IRF6: variants seen among roughly 807,000 people sequenced by gnomAD.
The protein encoded by IRF6 is Van der Woude syndrome.
In IRF6, 6 loss-of-function variants were observed where a neutral mutation model predicts 51.4. That is an observed-to-expected ratio of 0.12 (90% CI 0.06 to 0.23). The LOEUF (loss-of-function observed/expected upper bound fraction) is 0.23, where lower values mean the gene tolerates loss of function less well. Ranked by LOEUF, IRF6 falls within the 10% of genes least tolerant of loss-of-function variation. The pLI is 1.00. For synonymous variants in IRF6, 178 were observed against 215.7 expected (o/e 0.83, Z 1.53); for missense variants, 348 against 585.2 (o/e 0.59, Z 4.18).
rs770388841 is a variant in IRF6, at chr1:209,796,516, C to G, written c.211G>C (p.Val71Leu). 5.0e-6 allele frequency: 8 copies of G among 1,613,330 alleles called. No homozygotes were observed. Among genetic ancestry groups the G allele is most frequent in the Non-Finnish European group, 4.2e-6 (5 of 1,180,036 alleles). The change falls in exon 4 of 9, where the codon GTG becomes CTG. Residue 71 changes from valine (V) to leucine (L), a missense_variant. Val to Leu is a conservative substitution (Grantham distance 32). Coordinates refer to ENST00000367021, the MANE Select transcript of IRF6 (RefSeq NM_006147.4). The surrounding 1 kb of genome is among the most constrained non-coding windows in gnomAD (Gnocchi z 4.5). Reference protein sequence around the residue: ...AVETGKYQEGVDDPDPAKWKA... With the variant: ...AVETGKYQEGLDDPDPAKWKA... Reference sequence around the variant, plus strand: ...CATTTAGCTGGGTCAGGGTCATCCACCCCTTCCTGGTACTTCCCTGTCTCT... The same window carrying G: ...CATTTAGCTGGGTCAGGGTCATCCAGCCCTTCCTGGTACTTCCCTGTCTCT...
intron 1 of IRF6, among the ~76,000 whole-genome samples, chr1:209,802,800 G>A (rs1388864332): frequency 6.6e-6 from 1 of 152,204 alleles, no homozygotes; most frequent in Non-Finnish European, 1.5e-5. Context: ...AACTGTGCCA[G>A]GTGGGAAAGA....
Position 209,790,516 on chromosome 1 carries a change from A to C in IRF6, c.1039T>G (p.Cys347Gly), listed in dbSNP as rs2077862824. ...IERQKKVKLF[C>G]LETFLSDLIA... ...TTACCGCTAAGGAATGTTTCCAGAC[A>C]AAATAGCTTGACCTTCTTTTGTCTC... The change falls in exon 7 of 9, where the codon TGT (cysteine) becomes GGT (glycine). Residue 347 changes from cysteine to glycine, a missense_variant. This residue lies in a region of IRF6 where 125 missense variants were observed against 222.0 expected (regional missense o/e 0.56). Coordinates refer to ENST00000367021, the MANE Select transcript of IRF6 (RefSeq NM_006147.4). This position sits in a 1 kb window ranked among gnomAD's most constrained non-coding sequence, Gnocchi z 4.8. The C allele has an allele frequency of 6.2e-7, 1 of 1,614,126 alleles. No individual in the cohort carries two copies. Among genetic ancestry groups the C allele is most frequent in the Non-Finnish European group, 8.5e-7 (1 of 1,180,028 alleles).
chr1:209,791,182 TACTG>T (rs1363380705), intron 6 of IRF6, among the ~76,000 whole-genome samples: 2 of 152,222 alleles, frequency 1.3e-5, no homozygotes, highest in Non-Finnish European at 2.9e-5. Flanking sequence ...CCCCACGCTA[TACTG>T]ACTGAGTCTT....
rs757668069 is a variant in IRF6 at position 209,790,472 on chromosome 1, C to T, written c.1060+23G>A. ...ACTTCCAGAGAGTGATTCCCACGATCAACTTTCTGAGAAATGACTTACCGC... is the reference window on the plus strand; with the variant it reads ...ACTTCCAGAGAGTGATTCCCACGATTAACTTTCTGAGAAATGACTTACCGC... On this transcript the variant is annotated intron_variant, in intron 7 of 8. Transcript: ENST00000367021. The surrounding 1 kb of genome is among the most constrained non-coding windows in gnomAD (Gnocchi z 4.8). 1 of 1,612,042 alleles carries T rather than the reference C, an allele frequency of 6.2e-7. No homozygotes were observed. The highest frequency in any genetic ancestry group is 1.1e-5 in the South Asian group (1 of 90,914).
chr1:209,797,510 A>G (rs1255277872), intron 3 of IRF6, among the ~76,000 whole-genome samples: 3 of 151,736 alleles, frequency 2.0e-5, no homozygotes, highest in Admixed American at 2.0e-4. Context: ...ACCTTACCCT[A>G]TCCCCTCAAA....
chr1:209,800,010 C>T (rs1333399627), intron 3 of IRF6, among the ~76,000 whole-genome samples: 4 of 152,286 alleles, frequency 2.6e-5, no homozygotes, highest in African/African-American at 9.6e-5. Context: ...TTTCCCAACC[C>T]AATTTCAGCA....
chr1:209,795,518 T>C, intron 4 of IRF6, 100 bp from the exon 5 acceptor site: 1 of 1,565,712 alleles, frequency 6.4e-7, no homozygotes, highest in Non-Finnish European at 8.7e-7. Flanking sequence ...GCCCAGAGGC[T>C]CCTCAGGTTC....
chr1:209,789,351 TTGTGTG>T (rs57430923), intron 8 of IRF6, among the ~76,000 whole-genome samples: 6,637 of 147,004 alleles, frequency 0.045, 771 homozygotes, highest in East Asian at 0.4. Flanking sequence ...GCAATTTACA[TTGTGTG>T]TGTGTGTGTG....
At position 209,796,260 on chromosome 1, in the gene IRF6, C is replaced by A; in HGVS notation, c.379+88G>T. The A allele has an allele frequency of 9.1e-7, 1 of 1,094,870 alleles. No homozygotes were observed. The highest frequency in any genetic ancestry group is 1.3e-5 in the South Asian group (1 of 77,420). 67.8% of individuals were successfully genotyped at this position (1,094,870 alleles called of 1,614,324 possible). On this transcript the variant is annotated intron_variant, in intron 4 of 8. Coordinates refer to ENST00000367021, the MANE Select transcript of IRF6 (RefSeq NM_006147.4). This position sits in a 1 kb window ranked among gnomAD's most constrained non-coding sequence, Gnocchi z 4.5. ...TTTATCCATCTTAAACTGTGTAAAT[C>A]AGGCTGTTTTCAAGTTGACTATCTC... is the stretch of plus-strand genomic sequence containing the variant.
rs121434229 is a variant in IRF6, at chr1:209,801,280, C to T, written c.134G>A (p.Arg45Gln). 3.7e-6 allele frequency: 6 copies of T among 1,613,812 alleles called. No individual in the cohort carries two copies. The highest frequency in any genetic ancestry group is 1.3e-5 in the African/African-American group (1 of 74,910). Residue 45 changes from arginine to glutamine, a missense_variant, in exon 3 of 9, where the codon CGG becomes CAG. By Grantham distance (43) the Arg-to-Gln change is conservative (BLOSUM62 1). This residue lies in a region of IRF6 where 48 missense variants were observed against 128.1 expected (regional missense o/e 0.37). Transcript: ENST00000367021. Reference protein sequence around the residue: ...RFQIPWKHATRHSPQQEEENT... With the variant: ...RFQIPWKHATQHSPQQEEENT... Reference sequence around the variant, plus strand: ...TTCCTCTTCTTGTTGAGGGCTATGCCGGGTGGCATGTTTCCAGGGAATCTG... The same window carrying T: ...TTCCTCTTCTTGTTGAGGGCTATGCTGGGTGGCATGTTTCCAGGGAATCTG...
At chr1:209,800,286 G>A (rs1290172284) in intron 3 of IRF6, among the ~76,000 whole-genome samples, 2 of 152,078 alleles carry the variant, frequency 1.3e-5, no homozygotes, top group East Asian at 3.8e-4. Flanking sequence ...TCAAGCTTTG[G>A]TTTCACTTAA....
At chr1:209,791,088 C>A in intron 6 of IRF6, 3 of 976,944 alleles carry the variant, frequency 3.1e-6, no homozygotes, top group Non-Finnish European at 3.6e-6. Context: ...TGAAAGCAAA[C>A]AGTTCAAAGT....
chr1:209,803,233 T>G lies in IRF6; in HGVS notation c.-75-1190A>C, dbSNP rs1195439662. ...AGTCCTATCACTACTGAAAGGGGGA[T>G]GGAGCAAGAGAAGGAAAAAGAGGAT... On this transcript the variant is annotated intron_variant, in intron 1 of 8. Transcript: ENST00000367021. 2.0e-5 allele frequency among the ~76,000 whole-genome samples: 3 copies of G among 152,114 alleles called. No homozygotes were observed. The East Asian group carries it at 5.8e-4, about 29-fold the overall frequency.
intron 1 of IRF6, among the ~76,000 whole-genome samples, chr1:209,803,139 G>T (rs1310910736): frequency 6.6e-6 from 1 of 152,154 alleles, no homozygotes; most frequent in East Asian, 1.9e-4. Flanking sequence ...ACCATGGAGT[G>T]CATTATAAGC....
chr1:209,790,962 C>A lies in IRF6; in HGVS notation c.668-75G>T. Reference sequence around the variant, plus strand: ...TTCATCCCTGTGACTCATGCAAGTCCATTAAGATCAAGCCACCTTTCAACC... The same window carrying A: ...TTCATCCCTGTGACTCATGCAAGTCAATTAAGATCAAGCCACCTTTCAACC... On this transcript the variant is annotated intron_variant, in intron 6 of 8. Transcript: ENST00000367021. The surrounding 1 kb of genome is among the most constrained non-coding windows in gnomAD (Gnocchi z 4.8). 1 of 1,607,056 alleles carries A rather than the reference C, an allele frequency of 6.2e-7. No individual in the cohort carries two copies. The highest frequency in any genetic ancestry group is 8.5e-7 in the Non-Finnish European group (1 of 1,179,846).
At chr1:209,797,310 T>C (rs1042211664) in intron 3 of IRF6, among the ~76,000 whole-genome samples, 2 of 130,832 alleles carry the variant, frequency 1.5e-5, no homozygotes, top group Non-Finnish European at 3.0e-5. Context: ...GTGGAGATTG[T>C]AGTGAGCCAA....
Position 209,788,312 on chromosome 1 carries a change from A to C in IRF6, c.*108T>G. On this transcript the variant is annotated 3_prime_UTR_variant, in exon 9 of 9. Coordinates refer to ENST00000367021, the MANE Select transcript of IRF6 (RefSeq NM_006147.4). ...CATATTTGGAGAATCACAAACTTCT[A>C]ACACTGTTAGAGAAAAGAGAGATTT... 1.3e-6 allele frequency: 1 copy of C among 757,260 alleles called. No homozygotes were observed. The highest frequency in any genetic ancestry group is 2.2e-6 in the Non-Finnish European group (1 of 456,122). 46.9% of individuals were successfully genotyped at this position (757,260 alleles called of 1,614,324 possible).
intron 6 of IRF6, among the ~76,000 whole-genome samples, chr1:209,791,403 CA>C (rs1340931058): frequency 3.9e-5 from 6 of 152,166 alleles, no homozygotes; most frequent in African/African-American, 1.4e-4. Flanking sequence ...TTTTACTCAG[CA>C]AATCTCCATT....
At chr1:209,803,222 T>C (rs1445709985) in intron 1 of IRF6, among the ~76,000 whole-genome samples, 3 of 152,076 alleles carry the variant, frequency 2.0e-5, no homozygotes, top group Admixed American at 2.0e-4. Context: ...CTATCACTAC[T>C]GAAAGGGGGA....
Sources: allele counts gnomAD v4.1 joint callset (sites outside exome capture counted in the v4.1 genomes callset), GRCh38; gene constraint gnomAD v4.1.1; regional missense constraint gnomAD v4.1.1; non-coding constraint Gnocchi (gnomAD v3.1); transcripts MANE v1.5; gene names NCBI Gene and HGNC (gene_info 2026-07-23, HGNC 2026-07-21).